The following BPIFA1 variants were observed in gnomAD, a reference collection of about 807,000 sequenced individuals.
BPIFA1 encodes BPI fold containing family A member 1, also known as BPI fold-containing family A member 1.
A neutral mutation model predicts 25.1 loss-of-function variants in BPIFA1; 24 were observed. The ratio of observed to expected loss-of-function variants is 0.96; its 90% confidence interval spans 0.69 to 1.35. The LOEUF is 1.35. Among genes scored for constraint, BPIFA1 ranks in the 40% most tolerant of loss-of-function variants. BPIFA1 has a pLI of 0.00. For synonymous variants in BPIFA1, 139 were observed against 131.8 expected (o/e 1.05, Z -0.37); for missense variants, 344 against 303.7 (o/e 1.13, Z -0.99).
Position 33,238,219 on chromosome 20 carries a change from G to C in BPIFA1, c.320+5G>C. 1 of 1,611,206 alleles carries C rather than the reference G, an allele frequency of 6.2e-7. No individual in the cohort carries two copies. The highest frequency in any genetic ancestry group is 8.5e-7 in the Non-Finnish European group (1 of 1,178,584). The stretch of plus-strand genomic sequence containing the variant: ...TGGCCTGAACAACATCATTGAGTGA[G>C]TTGTCCTAAAATAGAGCTTTGATCT... On this transcript the variant is annotated splice_donor_5th_base_variant and intron_variant, in intron 3 of 8. Coordinates refer to ENST00000354297, the MANE Select transcript of BPIFA1 (RefSeq NM_130852.3).
intron 3 of BPIFA1, 87 bp downstream of exon 3, chr20:33,238,301 C>A: frequency 6.9e-7 from 1 of 1,455,080 alleles, no homozygotes; most frequent in Non-Finnish European, 9.3e-7. Context: ...CCTGAAGCAG[C>A]GACCCTGAAG....
chr20:33,240,690 A>G (rs565444520), intron 5 of BPIFA1, among the ~76,000 whole-genome samples: 1,606 of 106,558 alleles, frequency 0.015, 29 homozygotes, highest in African/African-American at 0.068. Flanking sequence ...TAGATAGATA[A>G]AGTAGTACTT....
Position 33,242,118 on chromosome 20 carries a change from T to A in BPIFA1, c.729T>A (p.Val243=). The A allele has an allele frequency of 6.2e-7, 1 of 1,614,072 alleles. No homozygotes were observed. Among genetic ancestry groups the A allele is most frequent in the Non-Finnish European group, 8.5e-7 (1 of 1,179,908 alleles). The change falls in exon 7 of 9, where the codon GTT becomes GTA. Residue 243 remains valine (V), a splice_region_variant and synonymous_variant. Coordinates refer to ENST00000354297, the MANE Select transcript of BPIFA1 (RefSeq NM_130852.3). ...GLDITLVHDI[V]NMLIHGLQFV... is the part of the protein sequence containing the mutation. ...ACATCACCCTGGTGCATGACATTGTTAGTAAGTACCTGCTTTCAAGCCCTC... is the reference window on the plus strand; with the variant it reads ...ACATCACCCTGGTGCATGACATTGTAAGTAAGTACCTGCTTTCAAGCCCTC...
In BPIFA1 at chr20:33,238,071, G is replaced by A. The variant is rs759945968; in HGVS notation, c.177G>A (p.Leu59=). The change falls in exon 3 of 9, where the codon CTG becomes CTA. Residue 59 remains leucine, a synonymous_variant. Transcript: ENST00000354297. ...CATTTCCAGCCCTCAGCAATGGCCT[G>A]CTGTCTGGGGGCCTGTTGGGCATTC... ...GSLTNALSNG[L]LSGGLLGILE... is the part of the protein sequence containing the mutation. The A allele has an allele frequency of 2.9e-5, 46 of 1,613,518 alleles. No homozygotes were observed. The highest frequency in any genetic ancestry group is 3.9e-5 in the Non-Finnish European group (46 of 1,179,830).
At chr20:33,239,071 A>T (rs1277944084) in intron 3 of BPIFA1, among the ~76,000 whole-genome samples, 1 of 152,190 alleles carries the variant, frequency 6.6e-6, no homozygotes, top group Non-Finnish European at 1.5e-5. Flanking sequence ...CACCTGGCGC[A>T]GTGGCTGGCT....
At chr20:33,238,553 G>C (rs1978808606) in intron 3 of BPIFA1, among the ~76,000 whole-genome samples, 1 of 152,236 alleles carries the variant, frequency 6.6e-6, no homozygotes, top group African/African-American at 2.4e-5. Context: ...GTGATGCCAA[G>C]TGAGTAAGGC....
In BPIFA1 at chr20:33,238,054, G is replaced by T; in HGVS notation, c.161-1G>T. 1 of 1,612,588 alleles carries T rather than the reference G, an allele frequency of 6.2e-7. No individual in the cohort carries two copies. The highest frequency in any genetic ancestry group is 8.5e-7 in the Non-Finnish European group (1 of 1,179,384). ...CCAGAGACCCTTACACCCATTTCCA[G>T]CCCTCAGCAATGGCCTGCTGTCTGG... On this transcript the variant is annotated splice_acceptor_variant, in intron 2 of 8. Transcript: ENST00000354297. LOFTEE classifies it high-confidence loss of function.
Position 33,238,206 on chromosome 20 carries a change from C to T in BPIFA1, c.312C>T (p.Asn104=), listed in dbSNP as rs781522009. Residue 104 remains asparagine, a synonymous_variant, in exon 3 of 9, where the codon AAC becomes AAT. Transcript: ENST00000354297. ...KVTSVIPGLN[N]IIDIKVTDPQ... Reference sequence around the variant, plus strand: ...CGTCAGTGATTCCTGGCCTGAACAACATCATTGAGTGAGTTGTCCTAAAAT... The same window carrying T: ...CGTCAGTGATTCCTGGCCTGAACAATATCATTGAGTGAGTTGTCCTAAAAT... The T allele has an allele frequency of 1.9e-6, 3 of 1,612,506 alleles. No homozygotes were observed. The highest frequency in any genetic ancestry group is 2.2e-5 in the East Asian group (1 of 44,850).
intron 5 of BPIFA1, among the ~76,000 whole-genome samples, 171 bp from the exon 6 acceptor site, chr20:33,241,214 G>A (rs1262867658): frequency 6.6e-6 from 1 of 152,212 alleles, no homozygotes; most frequent in Non-Finnish European, 1.5e-5. Context: ...GTACACAAAT[G>A]TAACTCCCTT....
At chr20:33,236,568 G>A (rs755908572) in intron 1 of BPIFA1, among the ~76,000 whole-genome samples, 61 of 152,146 alleles carry the variant, frequency 4.0e-4, no homozygotes, top group Non-Finnish European at 7.5e-4. Context: ...ATGGAATTTT[G>A]CACAAAGTCA....
intron 5 of BPIFA1, among the ~76,000 whole-genome samples, 156 bp downstream of exon 5, chr20:33,240,541 T>TGGAG (rs1978913456): frequency 2.0e-5 from 3 of 147,498 alleles, no homozygotes; most frequent in African/African-American, 7.8e-5. Context: ...GATGGATGGA[T>TGGAG]GGATGGATGG....
intron 3 of BPIFA1, among the ~76,000 whole-genome samples, chr20:33,238,804 G>A (rs775825843): frequency 5.3e-5 from 8 of 152,214 alleles, no homozygotes; most frequent in Admixed American, 1.3e-4. Flanking sequence ...AAGAATGGAA[G>A]CTTGATGCCA....
chr20:33,237,817 G>A lies in BPIFA1; in HGVS notation c.106G>A (p.Val36Met), dbSNP rs1358141274. 6.2e-7 allele frequency: 1 copy of A among 1,602,446 alleles called. No individual in the cohort carries two copies. Among genetic ancestry groups the A allele is most frequent in the African/African-American group, 1.3e-5 (1 of 74,596 alleles). The part of the protein sequence containing the change: ...VPLDQTLPLN[V>M]NPALPLSPTG... ...CCTGGACCAGACCCTGCCCTTGAATGTGAATCCAGCCCTGCCCTTGAGTCC... is the reference window on the plus strand; with the variant it reads ...CCTGGACCAGACCCTGCCCTTGAATATGAATCCAGCCCTGCCCTTGAGTCC... Residue 36 changes from valine to methionine, a missense_variant, in exon 2 of 9, where the codon GTG becomes ATG. By Grantham distance (21) the Val-to-Met change is conservative. Transcript: ENST00000354297.
At chr20:33,240,417 G>A (rs768808962) in intron 5 of BPIFA1, 32 bp downstream of exon 5, 3 of 1,610,766 alleles carry the variant, frequency 1.9e-6, no homozygotes, top group Non-Finnish European at 2.5e-6. Flanking sequence ...ATCCTGCCCA[G>A]AGATGACAGG....
chr20:33,242,061 C>T lies in BPIFA1; in HGVS notation c.672C>T (p.Cys224=). ...VLPELVQGNV[C]PLVNEVLRGL... is the part of the protein sequence containing the mutation. ...TCCTCTCTGCCCCTGGCCAGGTGTG[C>T]CCTCTGGTCAATGAGGTTCTCAGAG... Residue 224 remains cysteine (C), a synonymous_variant, in exon 7 of 9, where the codon TGC becomes TGT. Coordinates refer to ENST00000354297, the MANE Select transcript of BPIFA1 (RefSeq NM_130852.3). 2 of 1,614,016 alleles carry T rather than the reference C, an allele frequency of 1.2e-6. No individual in the cohort carries two copies. Among genetic ancestry groups the T allele is most frequent in the Middle Eastern group, 1.7e-4 (1 of 6,060 alleles).
intron 7 of BPIFA1, 113 bp downstream of exon 7, chr20:33,242,232 T>C: frequency 8.5e-7 from 1 of 1,170,800 alleles, no homozygotes; most frequent in Non-Finnish European, 1.3e-6. Context: ...CTCAACTCTC[T>C]CTATTTTGGG....
In BPIFA1 at chr20:33,239,932, G is replaced by A. The variant is rs1387873560; in HGVS notation, c.428+22G>A. ...ATACGTGAGTGGGTCCCAAGAGGGGGTGAGAGGATGGCTCACCGAGGGAGA... is the reference window on the plus strand; with the variant it reads ...ATACGTGAGTGGGTCCCAAGAGGGGATGAGAGGATGGCTCACCGAGGGAGA... On this transcript the variant is annotated intron_variant, in intron 4 of 8. Coordinates refer to ENST00000354297, the MANE Select transcript of BPIFA1 (RefSeq NM_130852.3). 6 of 1,600,896 alleles carry A rather than the reference G, an allele frequency of 3.7e-6. No individual in the cohort carries two copies. The African/African-American group carries it at 8.0e-5, about 21-fold the overall frequency.
chr20:33,240,530 AGATGGATG>A (rs10677320), intron 5 of BPIFA1, 145 bp downstream of exon 5: 641 of 749,554 alleles, frequency 8.6e-4, no homozygotes, highest in African/African-American at 3.7e-3. Context: ...GAGCGTGGAA[AGATGGATG>A]GATGGATGGA....
intron 4 of BPIFA1, 152 bp downstream of exon 4, chr20:33,240,062 G>A: frequency 7.3e-7 from 1 of 1,366,350 alleles, no homozygotes; most frequent in Non-Finnish European, 1.0e-6. Flanking sequence ...TGGGTCACTT[G>A]GGAAACTCAC....
Sources: gnomAD v4.1 joint callset for allele counts (sites outside exome capture counted in the v4.1 genomes callset) on GRCh38, gnomAD v4.1.1 for gene constraint, MANE v1.5 for transcripts, NCBI Gene and HGNC (gene_info 2026-07-23, HGNC 2026-07-21) for gene names.